The following FLRT1 variants were observed in gnomAD, a reference collection of about 807,000 sequenced individuals.
FLRT1 encodes leucine-rich repeat transmembrane protein FLRT1.
A neutral mutation model predicts 30.9 loss-of-function variants in FLRT1; 14 were observed. The ratio of observed to expected loss-of-function variants is 0.45; its 90% CI spans 0.30 to 0.71. FLRT1 has a LOEUF of 0.71. FLRT1 is among the 30% of genes least tolerant of loss of function. The pLI is 0.08. For missense variants in FLRT1, 737 were observed against 949.2 expected (o/e 0.78, Z 2.94); for synonymous variants, 368 against 430.4 (o/e 0.85, Z 1.80).
intron 1 of FLRT1, among the ~76,000 whole-genome samples, chr11:64,058,447 C>T (rs1943833850): frequency 6.6e-6 from 1 of 152,248 alleles, no homozygotes; most frequent in Non-Finnish European, 1.5e-5. Context: ...CGAGGGGGCA[C>T]CTGTAGCTGC....
At chr11:64,040,831 C>G (rs1009908677) in intron 1 of FLRT1, among the ~76,000 whole-genome samples, 1 of 152,006 alleles carries the variant, frequency 6.6e-6, no homozygotes, top group South Asian at 2.1e-4. Context: ...GCCCCGGACC[C>G]GGCTGTATGG....
chr11:64,111,226 G>A (rs1003286522), intron 2 of FLRT1, among the ~76,000 whole-genome samples: 1 of 152,208 alleles, frequency 6.6e-6, no homozygotes, highest in Non-Finnish European at 1.5e-5. Context: ...CCCCTACTTA[G>A]GGCACTGCTC....
rs575714111 is a variant in FLRT1, at chr11:64,116,306, G to A, written c.39G>A (p.Thr13=). 1.1e-5 allele frequency: 18 copies of A among 1,606,186 alleles called. No individual in the cohort carries two copies. The highest frequency in any genetic ancestry group is 3.3e-4 in the Middle Eastern group (2 of 6,074). Residue 13 remains threonine, a synonymous_variant, in exon 3 of 3, where the codon ACG becomes ACA. Coordinates refer to ENST00000682287, the MANE Select transcript of FLRT1 (RefSeq NM_013280.5). ...ACCCCACCGCCACTGCCACCACCAC[G>A]CCCACTGCCACTGTCACGGCCACCG... ...VAHPTATATT[T]PTATVTATVV... is the part of the protein sequence containing the mutation.
chr11:64,037,187 C>G (rs1296629586), intron 1 of FLRT1, among the ~76,000 whole-genome samples: 1 of 152,198 alleles, frequency 6.6e-6, no homozygotes, highest in Non-Finnish European at 1.5e-5. Context: ...ACCGCGGCCC[C>G]TACGCCCTCG....
At chr11:64,044,909 G>C (rs1454363642) in intron 1 of FLRT1, among the ~76,000 whole-genome samples, 1 of 152,210 alleles carries the variant, frequency 6.6e-6, no homozygotes, top group Non-Finnish European at 1.5e-5. Flanking sequence ...GCTGGGCCTG[G>C]GGCTGGTACT....
At chr11:64,105,285 G>A (rs1565234793) in intron 2 of FLRT1, among the ~76,000 whole-genome samples, 1 of 152,170 alleles carries the variant, frequency 6.6e-6, no homozygotes, top group Non-Finnish European at 1.5e-5. Context: ...GAGGGCTCGG[G>A]GGTCATTCCC....
chr11:64,038,315 C>T lies in FLRT1; in HGVS notation c.-1038+2156C>T, dbSNP rs529647196. Among the ~76,000 whole-genome samples the T allele has an allele frequency of 1.6e-4, 25 of 152,216 alleles. No homozygotes were observed. In the South Asian group the frequency reaches 5.2e-3, roughly 32 times the overall value. Reference sequence around the variant, plus strand: ...GCAGCCTCCCCTCTGGGACCGGCTTCCTTGCCTGCGCAGGGGTTTACAGCA... The same window carrying T: ...GCAGCCTCCCCTCTGGGACCGGCTTTCTTGCCTGCGCAGGGGTTTACAGCA... On this transcript the variant is annotated intron_variant, in intron 1 of 2. Coordinates refer to ENST00000682287, the MANE Select transcript of FLRT1 (RefSeq NM_013280.5).
intron 1 of FLRT1, among the ~76,000 whole-genome samples, chr11:64,059,687 G>T (rs1270889902): frequency 6.6e-6 from 1 of 152,200 alleles, no homozygotes; most frequent in Non-Finnish European, 1.5e-5. Flanking sequence ...GGAAACTGAG[G>T]CCTAGGCACA....
intron 1 of FLRT1, among the ~76,000 whole-genome samples, chr11:64,037,773 G>A (rs779028256): frequency 2.6e-5 from 4 of 152,182 alleles, no homozygotes; most frequent in African/African-American, 4.8e-5. Context: ...GGCAGCTGTG[G>A]CCTGCTGGAC....
Position 64,118,100 on chromosome 11 carries a change from C to T in FLRT1, c.1833C>T (p.Ile611=), listed in dbSNP as rs147439962. The change falls in exon 3 of 3, where the codon ATC becomes ATT. Residue 611 remains isoleucine (I), a synonymous_variant. Transcript: ENST00000682287. ...CAGGGACCAAGAAGGATAACTCCAT[C>T]CTGGAAATCCGCGGCCCTGGGCTGC... is the stretch of plus-strand genomic sequence containing the variant. The part of the protein sequence containing the change: ...MESGTKKDNS[I]LEIRGPGLQM... 7.4e-3 allele frequency: 11,893 copies of T among 1,611,510 alleles called. 59 individuals carry two copies. The highest frequency in any genetic ancestry group is 8.0e-3 in the Non-Finnish European group (9,457 of 1,178,120).
rs764011391 is a variant in FLRT1 at position 64,116,246 on chromosome 11, C to T, written c.-22C>T. The T allele has an allele frequency of 1.6e-5, 25 of 1,581,834 alleles. No homozygotes were observed. The highest frequency in any genetic ancestry group is 1.0e-4 in the Admixed American group (6 of 58,880). On this transcript the variant is annotated 5_prime_UTR_variant, in exon 3 of 3. Coordinates refer to ENST00000682287, the MANE Select transcript of FLRT1 (RefSeq NM_013280.5). ...ATTCAGGCTCCAGGCCAGGTGGGGCCGGACGCCCCCAGCCATCCACCATGG... is the reference window on the plus strand; with the variant it reads ...ATTCAGGCTCCAGGCCAGGTGGGGCTGGACGCCCCCAGCCATCCACCATGG...
Position 64,116,384 on chromosome 11 carries a change from C to A in FLRT1, c.117C>A (p.Tyr39Ter). 2 of 1,613,808 alleles carry A rather than the reference C, an allele frequency of 1.2e-6. No individual in the cohort carries two copies. Among genetic ancestry groups the A allele is most frequent in the Non-Finnish European group, 1.7e-6 (2 of 1,180,000 alleles). ...TGCGGGACTGGCTGTTCCTCTGCTA[C>A]GGGCTCATCGCCTTCCTGACGGAGG... ...MDLRDWLFLC[Y>*]GLIAFLTEVI... The change falls in exon 3 of 3, where the codon TAC (tyrosine) becomes TAA (stop). Residue 39 changes from tyrosine to a stop codon, truncating the protein, a stop_gained. Coordinates refer to ENST00000682287, the MANE Select transcript of FLRT1 (RefSeq NM_013280.5). LOFTEE classifies it high-confidence loss of function.
chr11:64,070,328 C>A (rs935422516), intron 1 of FLRT1, among the ~76,000 whole-genome samples: 1 of 152,168 alleles, frequency 6.6e-6, no homozygotes, highest in African/African-American at 2.4e-5. Context: ...CTGGGGGCCT[C>A]GGAGCTGTGA....
chr11:64,084,940 C>T (rs186255699), intron 1 of FLRT1, among the ~76,000 whole-genome samples: 196 of 152,316 alleles, frequency 1.3e-3, no homozygotes, highest in African/African-American at 4.5e-3. Context: ...TGCTGCCCTC[C>T]CACAACAAGG....
intron 1 of FLRT1, among the ~76,000 whole-genome samples, chr11:64,068,231 C>T (rs759440625): frequency 7.9e-5 from 12 of 152,244 alleles, no homozygotes; most frequent in Non-Finnish European, 1.2e-4. Flanking sequence ...CACCTCCACG[C>T]GGTGTCAGAA....
intron 1 of FLRT1, among the ~76,000 whole-genome samples, chr11:64,037,401 T>A (rs915135657): frequency 6.6e-6 from 1 of 150,850 alleles, no homozygotes; most frequent in African/African-American, 2.4e-5. Flanking sequence ...AGCTACTGCA[T>A]CTCTTCCGCC....
Position 64,116,299 on chromosome 11 carries a change from C to T in FLRT1, c.32C>T (p.Thr11Ile). 1 of 1,605,212 alleles carries T rather than the reference C, an allele frequency of 6.2e-7. No homozygotes were observed. Among genetic ancestry groups the T allele is most frequent in the Non-Finnish European group, 8.5e-7 (1 of 1,177,846 alleles). The change falls in exon 3 of 3, where the codon ACC (threonine) becomes ATC (isoleucine). Residue 11 changes from threonine (T) to isoleucine (I), a missense_variant. By Grantham distance (89) the Thr-to-Ile change is moderately conservative (BLOSUM62 -1). Coordinates refer to ENST00000682287, the MANE Select transcript of FLRT1 (RefSeq NM_013280.5). MVVAHPTATATTTPTATVTAT... is the reference protein window; with the variant it reads MVVAHPTATAITTPTATVTAT... ...GTGGCACACCCCACCGCCACTGCCA[C>T]CACCACGCCCACTGCCACTGTCACG... is the stretch of plus-strand genomic sequence containing the variant.
At chr11:64,060,095 AT>A (rs929836160) in intron 1 of FLRT1, among the ~76,000 whole-genome samples, 17 of 152,270 alleles carry the variant, frequency 1.1e-4, no homozygotes, top group Admixed American at 7.8e-4. Context: ...CCAATAAAAA[AT>A]TTAATCAAGT....
At chr11:64,066,601 G>T (rs1198337574) in intron 1 of FLRT1, among the ~76,000 whole-genome samples, 9 of 147,298 alleles carry the variant, frequency 6.1e-5, no homozygotes, top group Non-Finnish European at 4.5e-5. Context: ...CTGCATTCCA[G>T]CCTCCAGCCT....
Sources: gnomAD v4.1 joint callset for allele counts (sites outside exome capture counted in the v4.1 genomes callset) on GRCh38, gnomAD v4.1.1 for gene constraint, MANE v1.5 for transcripts, NCBI Gene and HGNC (gene_info 2026-07-23, HGNC 2026-07-21) for gene names.